Variants in KCNMA1 observed in about 807,000 individuals in gnomAD.
The protein encoded by KCNMA1 is potassium calcium-activated channel subfamily M alpha 1.
A neutral mutation model predicts 140.0 loss-of-function variants in KCNMA1; 29 were observed. The ratio of observed to expected loss-of-function variants is 0.21; its 90% CI spans 0.15 to 0.28. The LOEUF (loss-of-function observed/expected upper bound fraction) is 0.28. Ranked by LOEUF, KCNMA1 falls within the 10% of genes least tolerant of loss-of-function variation. The probability of loss-of-function intolerance (pLI) is 1.00; values close to 1 mark genes in which losing one functional copy is unlikely to be tolerated. For missense variants in KCNMA1, 880 were observed against 1,602.2 expected, an observed-to-expected ratio of 0.55 and a Z score of 7.70; for synonymous variants, 612 against 611.9, an observed-to-expected ratio of 1.00 and a Z score of 0.00.
At chr10:77,120,539 T>C (rs1478468442) in intron 6 of KCNMA1, among the ~76,000 whole-genome samples, 2 of 152,238 alleles carry the variant, frequency 1.3e-5, no homozygotes, top group Non-Finnish European at 2.9e-5. Flanking sequence ...GCATTGCTTC[T>C]ATTGCCTTTA....
At chr10:77,045,838 A>G (rs73290330) in intron 14 of KCNMA1, among the ~76,000 whole-genome samples, 4,158 of 152,324 alleles carry the variant, frequency 0.027, 196 homozygotes, top group African/African-American at 0.093. Context: ...AAAAGTCTGA[A>G]TAACTGTGTT....
chr10:77,032,740 T>C (rs2094028376), intron 15 of KCNMA1, among the ~76,000 whole-genome samples: 1 of 152,050 alleles, frequency 6.6e-6, no homozygotes, highest in Admixed American at 6.6e-5. Flanking sequence ...CCCCCTTTTT[T>C]TTTTTTACTG....
chr10:77,334,673 G>C (rs973023911), intron 2 of KCNMA1, among the ~76,000 whole-genome samples: 30 of 152,158 alleles, frequency 2.0e-4, no homozygotes, highest in Non-Finnish European at 4.3e-4. Context: ...CAAGCGTTGA[G>C]ACATATTTAC....
intron 1 of KCNMA1, among the ~76,000 whole-genome samples, chr10:77,541,511 C>A (rs1416100334): frequency 6.6e-6 from 1 of 151,990 alleles, no homozygotes; most frequent in African/African-American, 2.4e-5. Context: ...GCAGCAGGGG[C>A]AGAAAAAGGA....
chr10:77,355,451 C>G (rs1297063485), intron 2 of KCNMA1, among the ~76,000 whole-genome samples: 2 of 152,130 alleles, frequency 1.3e-5, no homozygotes, highest in Non-Finnish European at 2.9e-5. Context: ...CTAAGCCAGT[C>G]CAATCAGAGT....
chr10:76,935,593 G>A (rs2060351009), intron 23 of KCNMA1, among the ~76,000 whole-genome samples: 1 of 152,124 alleles, frequency 6.6e-6, no homozygotes, highest in African/African-American at 2.4e-5. Flanking sequence ...ACATAGGAAT[G>A]TGTCTGGTGT....
downstream of KCNMA1, chr10:76,872,283 G>A (rs759876041): frequency 1.3e-5 from 2 of 152,210 alleles, no homozygotes; most frequent in Non-Finnish European, 2.9e-5. Flanking sequence ...CAAAATGTGT[G>A]AGGAAGGTGC....
chr10:76,992,555 G>T (rs1433112921), intron 19 of KCNMA1, among the ~76,000 whole-genome samples: 1 of 152,166 alleles, frequency 6.6e-6, no homozygotes, highest in Non-Finnish European at 1.5e-5. Context: ...GAGAGAGAAG[G>T]ACAACACACA....
chr10:77,618,845 A>C (rs1392199012), intron 1 of KCNMA1, among the ~76,000 whole-genome samples: 2 of 152,226 alleles, frequency 1.3e-5, no homozygotes, highest in African/African-American at 4.8e-5. Flanking sequence ...TCCCGTTGTT[A>C]ATCACTTACC....
intron 29 of KCNMA1, among the ~76,000 whole-genome samples, chr10:76,878,868 G>T (rs770906488): frequency 6.6e-6 from 1 of 152,154 alleles, no homozygotes; most frequent in Non-Finnish European, 1.5e-5. Flanking sequence ...AGATAGGAAA[G>T]GACTGGGCAA....
chr10:77,089,240 G>T (rs548738369), intron 10 of KCNMA1, among the ~76,000 whole-genome samples: 113 of 152,326 alleles, frequency 7.4e-4, no homozygotes, highest in African/African-American at 2.5e-3. Context: ...AGAGGACGAC[G>T]ATCCACCAAA....
chr10:77,485,297 A>T (rs2098448007), intron 1 of KCNMA1, among the ~76,000 whole-genome samples: 1 of 152,228 alleles, frequency 6.6e-6, no homozygotes, highest in African/African-American at 2.4e-5. Context: ...ATAGAAATAG[A>T]TGTCTTAACA....
chr10:77,481,503 G>C (rs191917918), intron 1 of KCNMA1, among the ~76,000 whole-genome samples: 1 of 151,318 alleles, frequency 6.6e-6, no homozygotes, highest in African/African-American at 2.4e-5. Flanking sequence ...GGCCAGGCAC[G>C]ATGGCTCACG....
intron 1 of KCNMA1, among the ~76,000 whole-genome samples, chr10:77,622,337 C>G (rs1180096639): frequency 2.6e-5 from 4 of 152,192 alleles, no homozygotes; most frequent in Non-Finnish European, 5.9e-5. Flanking sequence ...TTCCCTCACA[C>G]TGTGGCCAGG....
chr10:77,218,603 G>A (rs191322647), intron 3 of KCNMA1, among the ~76,000 whole-genome samples: 109 of 152,234 alleles, frequency 7.2e-4, no homozygotes, highest in Admixed American at 1.8e-3. Context: ...TGTAGAGCCC[G>A]CAAATATCCA....
chr10:77,534,698 A>G (rs1209511834), intron 1 of KCNMA1, among the ~76,000 whole-genome samples: 2 of 152,226 alleles, frequency 1.3e-5, no homozygotes, highest in Non-Finnish European at 2.9e-5. Context: ...CAGTAGCACA[A>G]CAGAACGACT....
At chr10:76,887,539 C>T (rs1438771871) in intron 27 of KCNMA1, 24 bp from the exon 28 acceptor site, 1 of 1,613,852 alleles carries the variant, frequency 6.2e-7, no homozygotes, top group East Asian at 2.2e-5. Flanking sequence ...GCAGAGATGT[C>T]ACCTCCTGAG....
chr10:77,596,945 G>A (rs2081120043), intron 1 of KCNMA1, among the ~76,000 whole-genome samples: 1 of 152,138 alleles, frequency 6.6e-6, no homozygotes. Flanking sequence ...GCAACTAGAG[G>A]GCAAAGCCAG....
At chr10:77,510,450 G>A (rs569748843) in intron 1 of KCNMA1, among the ~76,000 whole-genome samples, 2 of 152,218 alleles carry the variant, frequency 1.3e-5, no homozygotes, top group South Asian at 4.2e-4. Flanking sequence ...AGCCTCTATG[G>A]AGTGCAGGTT....
Sources: gnomAD v4.1 joint callset for allele counts (sites outside exome capture counted in the v4.1 genomes callset) on GRCh38, gnomAD v4.1.1 for gene constraint, MANE v1.5 for transcripts, NCBI Gene and HGNC (gene_info 2026-07-23, HGNC 2026-07-21) for gene names.